Variants in AKT3 observed in about 807,000 individuals in gnomAD.
AKT3 encodes the protein RAC-gamma serine/threonine-protein kinase.
Under a neutral mutation model 65.3 loss-of-function variants are expected in AKT3, and 15 were observed. That is an observed-to-expected ratio of 0.23 (90% confidence interval 0.15 to 0.35). AKT3 has a LOEUF of 0.35. AKT3 is among the 10% of genes least tolerant of loss of function. The probability of loss-of-function intolerance (pLI) is 1.00; values close to 1 mark genes in which losing one functional copy is unlikely to be tolerated. For synonymous variants in AKT3, 206 were observed against 183.8 expected (o/e 1.12, Z -0.98); for missense variants, 243 against 576.5 (o/e 0.42, Z 5.92).
At chr1:243,804,178 C>T (rs1411250062) in intron 2 of AKT3, among the ~76,000 whole-genome samples, 1 of 152,162 alleles carries the variant, frequency 6.6e-6, no homozygotes, top group South Asian at 2.1e-4. Flanking sequence ...TGGATTTGTG[C>T]TGCTTAAATT....
In AKT3 at chr1:243,505,180, T is replaced by C; in HGVS notation, c.*69A>G. The C allele has an allele frequency of 6.9e-7, 1 of 1,443,256 alleles. No individual in the cohort carries two copies. Among genetic ancestry groups the C allele is most frequent in the Non-Finnish European group, 9.7e-7 (1 of 1,029,688 alleles). 89.4% of individuals were successfully genotyped at this position (1,443,256 alleles called of 1,614,324 possible). The stretch of plus-strand genomic sequence containing the variant: ...CCCTGCTATGTGTAAGAGCTAGGAC[T>C]GGTGATGTCCAGGAATCATTTTCAG... On this transcript the variant is annotated 3_prime_UTR_variant, in exon 14 of 14. Coordinates refer to ENST00000673466, the MANE Select transcript of AKT3 (RefSeq NM_005465.7).
intron 12 of AKT3, among the ~76,000 whole-genome samples, chr1:243,527,624 T>C (rs1341016179): frequency 1.3e-5 from 2 of 152,158 alleles, no homozygotes; most frequent in African/African-American, 2.4e-5. Context: ...GGTTTCTCTC[T>C]AGCTCCCTCT....
intron 10 of AKT3, among the ~76,000 whole-genome samples, chr1:243,557,175 CCA>C (rs2148475159): frequency 6.6e-6 from 1 of 152,194 alleles, no homozygotes; most frequent in Non-Finnish European, 1.5e-5. Flanking sequence ...CACATATCTT[CCA>C]AGAAATTTCT....
At chr1:243,750,408 T>TAC (rs56210876) in intron 2 of AKT3, among the ~76,000 whole-genome samples, 4,215 of 149,362 alleles carry the variant, frequency 0.028, 125 homozygotes, top group African/African-American at 0.086. Flanking sequence ...CATGCACGTA[T>TAC]ACACACACAC....
chr1:243,717,951 AATTAT>A (rs200860678), intron 2 of AKT3, among the ~76,000 whole-genome samples: 1,888 of 152,334 alleles, frequency 0.012, 15 homozygotes, highest in Non-Finnish European at 0.019. Flanking sequence ...TTTTAAAATA[AATTAT>A]AAGTTAGAAT....
chr1:243,731,889 A>C (rs912884577), intron 2 of AKT3, among the ~76,000 whole-genome samples: 2 of 152,114 alleles, frequency 1.3e-5, no homozygotes, highest in Non-Finnish European at 2.9e-5. Flanking sequence ...ATGGGAAAAC[A>C]CTCAGTGAAA....
chr1:243,707,716 CT>C (rs1431497857), intron 2 of AKT3, among the ~76,000 whole-genome samples: 1 of 151,936 alleles, frequency 6.6e-6, no homozygotes, highest in Admixed American at 6.6e-5. Context: ...CCCACTCTTC[CT>C]TTCTTATTAC....
chr1:243,661,303 A>C (rs320335), intron 4 of AKT3, among the ~76,000 whole-genome samples: 2,706 of 152,326 alleles, frequency 0.018, 77 homozygotes, highest in African/African-American at 0.061. Flanking sequence ...CCTGACTTCA[A>C]ACTACACTAC....
At position 243,777,596 on chromosome 1, in the gene AKT3, C is replaced by T. The variant is rs537590098; in HGVS notation, c.46+65529G>A. On this transcript the variant is annotated intron_variant, in intron 2 of 13. Transcript: ENST00000673466. ...ACAACTTGAGATGAATAGAATCACA[C>T]TGCTTGAATGAGACATAATTCTAGG... 3.8e-4 allele frequency among the ~76,000 whole-genome samples: 58 copies of T among 152,238 alleles called. 1 individual carries two copies. Among genetic ancestry groups the T allele is most frequent in the African/African-American group, 1.3e-3 (54 of 41,544 alleles).
chr1:243,801,726 T>G (rs569458995), intron 2 of AKT3, among the ~76,000 whole-genome samples: 2 of 152,202 alleles, frequency 1.3e-5, no homozygotes, highest in Non-Finnish European at 2.9e-5. Context: ...AAGGGCAGTT[T>G]TGCATATTTA....
At chr1:243,725,367 A>G (rs1251840876) in intron 2 of AKT3, among the ~76,000 whole-genome samples, 1 of 152,312 alleles carries the variant, frequency 6.6e-6, no homozygotes, top group East Asian at 1.9e-4. Flanking sequence ...GATGAGTAGG[A>G]CTTCACCAGT....
chr1:243,752,763 C>G (rs79881548), intron 2 of AKT3, among the ~76,000 whole-genome samples: 1 of 152,132 alleles, frequency 6.6e-6, no homozygotes, highest in Admixed American at 6.5e-5. Context: ...ATAGTTAACT[C>G]TGAGGATGCT....
At chr1:243,600,661 A>C (rs1341253251) in intron 8 of AKT3, among the ~76,000 whole-genome samples, 1 of 152,140 alleles carries the variant, frequency 6.6e-6, no homozygotes, top group Admixed American at 6.5e-5. Context: ...AATTAACTTG[A>C]AATGGCTCAT....
chr1:243,532,264 A>G (rs1671591307), intron 12 of AKT3, among the ~76,000 whole-genome samples: 1 of 152,202 alleles, frequency 6.6e-6, no homozygotes. Context: ...TATAGAAATG[A>G]TCCCTTAAAG....
intron 2 of AKT3, among the ~76,000 whole-genome samples, chr1:243,716,016 C>A (rs1218186527): frequency 6.6e-6 from 1 of 152,044 alleles, no homozygotes; most frequent in African/African-American, 2.4e-5. Context: ...TTCTGAACTA[C>A]CTGAAACCAT....
intron 3 of AKT3, among the ~76,000 whole-genome samples, chr1:243,692,554 G>A (rs947380642): frequency 1.7e-4 from 25 of 151,020 alleles, no homozygotes; most frequent in African/African-American, 3.7e-4. Flanking sequence ...CCAACATGGT[G>A]AAACCCCATC....
At chr1:243,617,693 A>G (rs529292015) in intron 6 of AKT3, among the ~76,000 whole-genome samples, 1 of 152,206 alleles carries the variant, frequency 6.6e-6, no homozygotes, top group East Asian at 1.9e-4. Context: ...ACATAGAGAA[A>G]GTGATGGGGT....
intron 2 of AKT3, chr1:243,702,717 A>G (rs1345898815): frequency 1.2e-4 from 18 of 152,166 alleles, no homozygotes; most frequent in Admixed American, 1.2e-3. Context: ...GGTATATAAA[A>G]CATGTATTTT....
At chr1:243,652,505 A>G (rs1681430962) in intron 4 of AKT3, among the ~76,000 whole-genome samples, 1 of 152,098 alleles carries the variant, frequency 6.6e-6, no homozygotes, top group Non-Finnish European at 1.5e-5. Context: ...TGCTAAATTG[A>G]AAAGACCATC....
Sources: allele counts gnomAD v4.1 joint callset (sites outside exome capture counted in the v4.1 genomes callset), GRCh38; gene constraint gnomAD v4.1.1; transcripts MANE v1.5; gene names NCBI Gene and HGNC (gene_info 2026-07-23, HGNC 2026-07-21).